CPA6: variants seen among roughly 807,000 people sequenced by gnomAD.
CPA6 encodes carboxypeptidase B.
Under a neutral mutation model 63.3 loss-of-function variants are expected in CPA6, and 58 were observed. That is an observed-to-expected ratio of 0.92 (90% CI 0.74 to 1.14). The LOEUF (loss-of-function observed/expected upper bound fraction) is 1.14, where lower values mean the gene tolerates loss of function less well. CPA6 is among the 50% of genes most tolerant of loss of function. CPA6 has a pLI of 0.00. For missense variants in CPA6, 565 were observed against 526.6 expected, an observed-to-expected ratio of 1.07 and a Z score of -0.71; for synonymous variants, 185 against 179.0, an observed-to-expected ratio of 1.03 and a Z score of -0.27.
intron 10 of CPA6, among the ~76,000 whole-genome samples, chr8:67,427,096 A>C (rs1809904193): frequency 6.6e-6 from 1 of 152,226 alleles, no homozygotes; most frequent in African/African-American, 2.4e-5. Context: ...TTCTTCCTGC[A>C]TGCAGCAAAC....
intron 1 of CPA6, among the ~76,000 whole-genome samples, chr8:67,677,099 C>T (rs571659326): frequency 1.3e-5 from 2 of 152,286 alleles, no homozygotes; most frequent in Admixed American, 6.5e-5. Flanking sequence ...CTGACTCCTC[C>T]GTCAGGAGTT....
At chr8:67,467,886 TAA>T (rs539603315) in intron 8 of CPA6, among the ~76,000 whole-genome samples, 484 of 109,700 alleles carry the variant, frequency 4.4e-3, no homozygotes, top group African/African-American at 0.013. Context: ...AAACCCCGTC[TAA>T]AAAAAAAAAA....
intron 2 of CPA6, among the ~76,000 whole-genome samples, chr8:67,534,819 C>G (rs1333335021): frequency 6.6e-6 from 1 of 152,068 alleles, no homozygotes; most frequent in African/African-American, 2.4e-5. Flanking sequence ...CTGCACCCAT[C>G]AACCCGTCAT....
intron 1 of CPA6, among the ~76,000 whole-genome samples, chr8:67,686,121 C>A (rs1212856768): frequency 4.6e-5 from 7 of 151,212 alleles, no homozygotes; most frequent in Non-Finnish European, 5.9e-5. Flanking sequence ...AATGAATGAC[C>A]AGAACCCCAT....
At chr8:67,515,094 A>G (rs1282915585) in intron 3 of CPA6, among the ~76,000 whole-genome samples, 6 of 152,048 alleles carry the variant, frequency 3.9e-5, no homozygotes, top group African/African-American at 1.4e-4. Flanking sequence ...CCATCAGCCC[A>G]CCCCAGGCCC....
At chr8:67,599,268 A>T (rs1814430483) in intron 2 of CPA6, among the ~76,000 whole-genome samples, 1 of 152,202 alleles carries the variant, frequency 6.6e-6, no homozygotes. Context: ...TGTAAACTTG[A>T]TGCTTTTACC....
chr8:67,464,130 C>G (rs28788855), intron 8 of CPA6, among the ~76,000 whole-genome samples: 18,218 of 152,202 alleles, frequency 0.12, 1,198 homozygotes, highest in East Asian at 0.24. Context: ...ATTCCCACCA[C>G]CAGTGTATTA....
chr8:67,614,260 G>A (rs1341371770), intron 2 of CPA6, among the ~76,000 whole-genome samples: 3 of 152,172 alleles, frequency 2.0e-5, no homozygotes, highest in Middle Eastern at 3.2e-3. Flanking sequence ...ATCCCACATG[G>A]GGTTTGAGCA....
At chr8:67,709,337 C>T (rs1563402290) in intron 1 of CPA6, among the ~76,000 whole-genome samples, 1 of 152,198 alleles carries the variant, frequency 6.6e-6, no homozygotes, top group Admixed American at 6.5e-5. Context: ...TACCTCATTT[C>T]GTTCATGCTC....
intron 5 of CPA6, among the ~76,000 whole-genome samples, chr8:67,507,917 G>A (rs551875319): frequency 6.6e-6 from 1 of 152,040 alleles, no homozygotes; most frequent in Admixed American, 6.6e-5. Flanking sequence ...TTTGAGGAAG[G>A]AACAGCAGAT....
At chr8:67,520,534 A>G (rs1022350518) in intron 2 of CPA6, among the ~76,000 whole-genome samples, 1 of 152,218 alleles carries the variant, frequency 6.6e-6, no homozygotes, top group Non-Finnish European at 1.5e-5. Flanking sequence ...TATTTGAATA[A>G]GCAGCATGGA....
intron 8 of CPA6, among the ~76,000 whole-genome samples, chr8:67,474,869 C>T (rs1384629339): frequency 6.6e-6 from 1 of 152,104 alleles, no homozygotes; most frequent in East Asian, 1.9e-4. Context: ...ATCCCAGCTA[C>T]ACTCAGAAGG....
chr8:67,652,177 A>G (rs983650881), intron 1 of CPA6, among the ~76,000 whole-genome samples: 2 of 152,138 alleles, frequency 1.3e-5, no homozygotes, highest in African/African-American at 4.8e-5. Flanking sequence ...AAGTCTTGCT[A>G]TTGTGAATAG....
intron 2 of CPA6, among the ~76,000 whole-genome samples, chr8:67,603,030 G>A (rs890531688): frequency 6.6e-6 from 1 of 152,126 alleles, no homozygotes; most frequent in African/African-American, 2.4e-5. Context: ...CTCATTATAA[G>A]CAAGAAGCTA....
rs755948332 is a variant in CPA6, at chr8:67,746,130, A to G, written c.-1T>C. The G allele has an allele frequency of 1.2e-6, 2 of 1,606,872 alleles. No individual in the cohort carries two copies. Among genetic ancestry groups the G allele is most frequent in the Non-Finnish European group, 1.7e-6 (2 of 1,175,784 alleles). On this transcript the variant is annotated 5_prime_UTR_variant, in exon 1 of 11. Transcript: ENST00000297770. Reference sequence around the variant, plus strand: ...CCCTGCGCTTCCCGAGACACTTCATAGTGTTAAGAAGAGAGGAGTTGAAAG... The same window carrying G: ...CCCTGCGCTTCCCGAGACACTTCATGGTGTTAAGAAGAGAGGAGTTGAAAG...
intron 1 of CPA6, among the ~76,000 whole-genome samples, chr8:67,738,361 G>C (rs1329631903): frequency 6.6e-6 from 1 of 152,200 alleles, no homozygotes; most frequent in African/African-American, 2.4e-5. Context: ...GTGAGAAATG[G>C]AAGACTCCTC....
chr8:67,682,140 C>A (rs1196598517), intron 1 of CPA6, among the ~76,000 whole-genome samples: 1 of 151,502 alleles, frequency 6.6e-6, no homozygotes, highest in Non-Finnish European at 1.5e-5. Flanking sequence ...TTCTTGTACT[C>A]CAGGTTTATT....
chr8:67,742,635 C>T (rs541392903), intron 1 of CPA6, among the ~76,000 whole-genome samples: 78 of 152,264 alleles, frequency 5.1e-4, no homozygotes, highest in Middle Eastern at 6.8e-3. Flanking sequence ...TGCCAAGAAC[C>T]ATGCTATTCT....
At chr8:67,556,763 G>A (rs1457299815) in intron 2 of CPA6, among the ~76,000 whole-genome samples, 1 of 152,240 alleles carries the variant, frequency 6.6e-6, no homozygotes, top group Non-Finnish European at 1.5e-5. Context: ...ATTTGTGAAT[G>A]TCAAGATCCT....
Sources: gnomAD v4.1 joint callset for allele counts (sites outside exome capture counted in the v4.1 genomes callset) on GRCh38, gnomAD v4.1.1 for gene constraint, MANE v1.5 for transcripts, NCBI Gene and HGNC (gene_info 2026-07-23, HGNC 2026-07-21) for gene names.